The following PLEKHG1 variants were observed in gnomAD, a reference collection of about 807,000 sequenced individuals.
PLEKHG1 encodes the protein pleckstrin homology domain-containing family G member 1.
Under a neutral mutation model 100.8 loss-of-function variants are expected in PLEKHG1, and 44 were observed. The ratio of observed to expected loss-of-function variants is 0.44; its 90% CI spans 0.34 to 0.56. The LOEUF is 0.56. PLEKHG1 is among the 20% of genes least tolerant of loss of function. PLEKHG1 has a pLI of 0.01. For missense variants in PLEKHG1, 1,545 were observed against 1,720.9 expected (o/e 0.90, Z 1.81); for synonymous variants, 640 against 662.5 (o/e 0.97, Z 0.52).
rs745526240 is a variant in PLEKHG1 at position 150,839,813 on chromosome 6, T to C, written c.3095-20T>C. ...GGAATTATCCTGTGTGTATTTACTG[T>C]TTCAATATTTGCCTTCCAGGTGCCA... On this transcript the variant is annotated intron_variant, in intron 15 of 15. Transcript: ENST00000358517. 1 of 1,403,170 alleles carries C rather than the reference T, an allele frequency of 7.1e-7. No individual in the cohort carries two copies. The highest frequency in any genetic ancestry group is 1.4e-5 in the African/African-American group (1 of 71,118). The allele number at this position is 1,403,170 out of a possible 1,614,324, so 86.9% of individuals were successfully genotyped here. A position where few individuals can be genotyped will look rare whatever the true frequency, so the allele number is the denominator to read the frequency against.
At chr6:150,628,577 C>CACACACACACACACATA (rs3046186) in intron 1 of PLEKHG1, among the ~76,000 whole-genome samples, 4 of 147,312 alleles carry the variant, frequency 2.7e-5, no homozygotes, top group East Asian at 2.0e-4. Flanking sequence ...CACACACACA[C>CACACACACACACACATA]CCCGTCCTTG....
chr6:150,722,053 C>T (rs1319867893), intron 1 of PLEKHG1, among the ~76,000 whole-genome samples: 3 of 151,986 alleles, frequency 2.0e-5, no homozygotes, highest in East Asian at 1.9e-4. Context: ...CAAAATTATT[C>T]GTTTTACTCA....
intron 10 of PLEKHG1, among the ~76,000 whole-genome samples, chr6:150,813,093 C>T (rs886447433): frequency 6.6e-6 from 1 of 151,950 alleles, no homozygotes; most frequent in Non-Finnish European, 1.5e-5. Context: ...ATCACGAGGT[C>T]AGGAGATCAA....
At chr6:150,786,561 T>C (rs1329427874) in intron 4 of PLEKHG1, 102 bp downstream of exon 5, 4 of 734,340 alleles carry the variant, frequency 5.4e-6, no homozygotes, top group Non-Finnish European at 9.4e-6. Context: ...TCAGATAGAG[T>C]TAGCCACTAA....
upstream of PLEKHG1, among the ~76,000 whole-genome samples, chr6:150,716,877 G>A (rs529407022): frequency 7.9e-5 from 12 of 152,150 alleles, no homozygotes; most frequent in South Asian, 2.1e-4. Flanking sequence ...TTTGAGACAG[G>A]CTCTTGCTCT....
intron 3 of PLEKHG1, among the ~76,000 whole-genome samples, chr6:150,660,137 T>C (rs1053871415): frequency 1.6e-4 from 24 of 151,990 alleles, no homozygotes; most frequent in Non-Finnish European, 2.6e-4. Context: ...CTTGAACTCC[T>C]GGCCTCAAGT....
intron 1 of PLEKHG1, among the ~76,000 whole-genome samples, chr6:150,729,459 A>C (rs574914116): frequency 6.6e-5 from 10 of 152,204 alleles, no homozygotes; most frequent in Non-Finnish European, 1.3e-4. Context: ...GGTGAGTTGC[A>C]TTAGAATAGG....
At chr6:150,631,126 G>A (rs1777729925) in intron 1 of PLEKHG1, among the ~76,000 whole-genome samples, 1 of 152,134 alleles carries the variant, frequency 6.6e-6, no homozygotes, top group African/African-American at 2.4e-5. Context: ...TCTATGCCCA[G>A]GAATCCACAA....
At chr6:150,840,724 C>T (rs1191783858) in exon 16 of PLEKHG1, 2 of 1,614,048 alleles carry the variant, frequency 1.2e-6, no homozygotes, top group Non-Finnish European at 1.7e-6. Context: ...AGTCCGCGCA[C>T]TCCAAAAAAG....
intron 1 of PLEKHG1, among the ~76,000 whole-genome samples, chr6:150,615,424 T>G (rs34164087): frequency 0.29 from 44,370 of 152,000 alleles, 6,582 homozygotes; most frequent in South Asian, 0.36. Context: ...TACCCTCAAA[T>G]GCACCCCAAA....
chr6:150,795,452 C>T (rs1786269585), intron 4 of PLEKHG1, among the ~76,000 whole-genome samples: 1 of 151,780 alleles, frequency 6.6e-6, no homozygotes, highest in South Asian at 2.1e-4. Context: ...ATTTATTGGC[C>T]TTGAATTAAT....
intron 3 of PLEKHG1, among the ~76,000 whole-genome samples, chr6:150,661,582 A>T (rs967979469): frequency 1.3e-5 from 2 of 152,172 alleles, no homozygotes; most frequent in African/African-American, 4.8e-5. Context: ...CCCATTACTG[A>T]TGTTCTTCCC....
chr6:150,806,062 C>G (rs1008119444), intron 7 of PLEKHG1, among the ~76,000 whole-genome samples: 10 of 152,094 alleles, frequency 6.6e-5, no homozygotes, highest in Admixed American at 1.3e-4. Context: ...TGACTCCACA[C>G]TATACAGAGT....
chr6:150,704,141 A>T (rs1780912517), intron 3 of PLEKHG1, among the ~76,000 whole-genome samples: 1 of 152,190 alleles, frequency 6.6e-6, no homozygotes, highest in Non-Finnish European at 1.5e-5. Flanking sequence ...AATGAATCTT[A>T]GTTGGTTCTT....
chr6:150,812,709 TGAGCAGATGGCAGGGAAG>T (rs1787603067), intron 10 of PLEKHG1, among the ~76,000 whole-genome samples: 1 of 152,052 alleles, frequency 6.6e-6, no homozygotes, highest in Admixed American at 6.6e-5. Flanking sequence ...GCCGAGTCCA[TGAGCAGATGGCAGGGAAG>T]GAGGAGGAAG....
chr6:150,800,462 C>T (rs994561009), intron 5 of PLEKHG1, among the ~76,000 whole-genome samples: 4 of 152,168 alleles, frequency 2.6e-5, no homozygotes, highest in African/African-American at 7.2e-5. Context: ...CACAAGGCCG[C>T]GTCTCCTAGA....
At chr6:150,682,748 C>G (rs6899782) in intron 3 of PLEKHG1, among the ~76,000 whole-genome samples, 29,300 of 152,016 alleles carry the variant, frequency 0.19, 2,889 homozygotes, top group South Asian at 0.26. Flanking sequence ...GTGGGCAGCT[C>G]TGTGCCCTGA....
chr6:150,631,269 A>G (rs143279876), intron 1 of PLEKHG1, among the ~76,000 whole-genome samples: 4 of 152,244 alleles, frequency 2.6e-5, no homozygotes, highest in East Asian at 3.9e-4. Context: ...CTCTCTCTCA[A>G]TCTGTGTCTT....
intron 1 of PLEKHG1, among the ~76,000 whole-genome samples, chr6:150,601,117 T>C (rs1255200439): frequency 6.6e-6 from 1 of 152,184 alleles, no homozygotes; most frequent in Non-Finnish European, 1.5e-5. Flanking sequence ...ATGTTAACTC[T>C]AGGGTCCAGT....
Sources: gnomAD v4.1 joint callset for allele counts (sites outside exome capture counted in the v4.1 genomes callset) on GRCh38, gnomAD v4.1.1 for gene constraint, MANE v1.5 for transcripts, NCBI Gene and HGNC (gene_info 2026-07-23, HGNC 2026-07-21) for gene names.